Variants in BLTP1 observed in about 807,000 individuals in gnomAD.
The protein encoded by BLTP1 is fragile site-associated protein.
the BLTP1 span, among the ~76,000 whole-genome samples, chr4:122,203,099 T>C: frequency 2.0e-5 from 3 of 151,964 alleles, no homozygotes; most frequent in African/African-American, 7.2e-5. Flanking sequence ...AGTTTAGTAT[T>C]GGAGTGAACC....
chr4:122,320,270 T>A, the BLTP1 span, among the ~76,000 whole-genome samples: 1 of 152,014 alleles, frequency 6.6e-6, no homozygotes, highest in South Asian at 2.1e-4. Context: ...TGCTTCAGCC[T>A]CCCAAGTAGC....
chr4:122,245,669 T>C, the BLTP1 span, among the ~76,000 whole-genome samples: 3 of 152,276 alleles, frequency 2.0e-5, no homozygotes, highest in South Asian at 6.2e-4. Context: ...CATTTGATTT[T>C]CAAATTTATC....
the BLTP1 span, chr4:122,259,866 A>C: frequency 1.1e-6 from 1 of 901,132 alleles, no homozygotes. Flanking sequence ...CTCAAAAAAA[A>C]AAAATTTTAA....
the BLTP1 span, chr4:122,346,291 A>C: frequency 1.5e-5 from 4 of 260,088 alleles, no homozygotes; most frequent in Non-Finnish European, 2.4e-5. Context: ...GAAAATTTGT[A>C]TACCAGCTCA....
At chr4:122,326,211 T>C in the BLTP1 span, among the ~76,000 whole-genome samples, 1 of 151,784 alleles carries the variant, frequency 6.6e-6, no homozygotes, top group Non-Finnish European at 1.5e-5. Context: ...CAGTTTTTCC[T>C]TATATTCAAC....
At chr4:122,199,826 A>G in the BLTP1 span, 1 of 689,238 alleles carries the variant, frequency 1.5e-6, no homozygotes, top group South Asian at 6.6e-5. Context: ...GGTTTAAATA[A>G]TGTAATTTAT....
At chr4:122,318,359 C>G in the BLTP1 span, 2 of 990,312 alleles carry the variant, frequency 2.0e-6, no homozygotes, top group African/African-American at 3.3e-5. Context: ...CCATCTAAAG[C>G]ACGTTACATG....
At chr4:122,349,998 G>C in the BLTP1 span, 1 of 1,613,894 alleles carries the variant, frequency 6.2e-7, no homozygotes, top group Non-Finnish European at 8.5e-7. This position sits in a 1 kb window ranked among gnomAD's most constrained non-coding sequence, Gnocchi z 4.5. Flanking sequence ...AACGAGCTCT[G>C]TCTACCTGGG....
At chr4:122,202,333 G>A in the BLTP1 span, among the ~76,000 whole-genome samples, 1 of 152,074 alleles carries the variant, frequency 6.6e-6, no homozygotes, top group Non-Finnish European at 1.5e-5. Context: ...TGTTTATTAT[G>A]TGTCTGGCTC....
the BLTP1 span, chr4:122,351,058 T>C: frequency 6.6e-6 from 1 of 152,584 alleles, no homozygotes; most frequent in South Asian, 2.1e-4. Flanking sequence ...AAGGAAACCA[T>C]TGCAATAATT....
chr4:122,318,011 A>C, the BLTP1 span: 4 of 843,706 alleles, frequency 4.7e-6, no homozygotes, highest in African/African-American at 3.5e-5. Flanking sequence ...TATGAGTGTT[A>C]AGCTTATTGA....
chr4:122,329,163 T>C, the BLTP1 span, among the ~76,000 whole-genome samples: 666 of 151,872 alleles, frequency 4.4e-3, 8 homozygotes, highest in African/African-American at 0.015. Flanking sequence ...TGAAAAGTTA[T>C]TATTGCAGAT....
At chr4:122,272,319 A>G in the BLTP1 span, 1 of 1,613,252 alleles carries the variant, frequency 6.2e-7, no homozygotes, top group Admixed American at 1.7e-5. Flanking sequence ...AACCGCACAC[A>G]CCTAGAGGCA....
At chr4:122,245,364 T>A in the BLTP1 span, among the ~76,000 whole-genome samples, 1 of 152,158 alleles carries the variant, frequency 6.6e-6, no homozygotes, top group Non-Finnish European at 1.5e-5. Flanking sequence ...TAGCTTTCTT[T>A]GTTTCTTTTA....
chr4:122,182,827 C>G, the BLTP1 span: 5 of 984,552 alleles, frequency 5.1e-6, no homozygotes, highest in East Asian at 5.7e-4. Context: ...TTCCCTCTTT[C>G]TTTTTTTAAA....
At chr4:122,267,531 G>A in the BLTP1 span, 535 of 375,402 alleles carry the variant, frequency 1.4e-3, 4 homozygotes, top group African/African-American at 0.01. Context: ...ATTGATATAT[G>A]CACTCACCAT....
the BLTP1 span, chr4:122,307,607 C>T: frequency 1.0e-6 from 1 of 985,242 alleles, no homozygotes; most frequent in East Asian, 1.1e-4. Flanking sequence ...AACAGCTCTA[C>T]AGATGAAGTT....
chr4:122,207,134 A>G, the BLTP1 span: 4 of 1,604,468 alleles, frequency 2.5e-6, no homozygotes, highest in Non-Finnish European at 3.4e-6. Context: ...TGGTCTAGTG[A>G]CAGTCCTCCA....
At chr4:122,279,739 G>T in the BLTP1 span, 1 of 1,581,288 alleles carries the variant, frequency 6.3e-7, no homozygotes, top group Non-Finnish European at 8.6e-7. Flanking sequence ...CTTGGCTGTT[G>T]GCTGTATTTT....
Sources: gnomAD v4.1 joint callset for allele counts (sites outside exome capture counted in the v4.1 genomes callset) on GRCh38, gnomAD v4.1.1 for gene constraint, Gnocchi (gnomAD v3.1) non-coding constraint, MANE v1.5 for transcripts, NCBI Gene and HGNC (gene_info 2026-07-23, HGNC 2026-07-21) for gene names.